UBE2D3: variants seen among roughly 807,000 people sequenced by gnomAD.
UBE2D3 encodes the protein ubiquitin conjugating enzyme E2 D3, also known as ubiquitin-conjugating enzyme E2 D3.
UBE2D3 carries 2 observed loss-of-function variants against 22.8 expected under a neutral mutation model. The observed-to-expected ratio is 0.09, with a 90% CI of 0.04 to 0.28. UBE2D3 has a LOEUF of 0.28. Ranked by LOEUF, UBE2D3 falls within the 10% of genes least tolerant of loss-of-function variation. The pLI, the probability that UBE2D3 is intolerant of heterozygous loss-of-function variation, is 1.00. For synonymous variants in UBE2D3, 56 were observed against 60.4 expected (o/e 0.93, Z 0.34); for missense variants, 27 against 182.5 (o/e 0.15, Z 4.91).
At chr4:102,804,066 GCC>G (rs1726629455) in intron 4 of UBE2D3, among the ~76,000 whole-genome samples, 2 of 151,948 alleles carry the variant, frequency 1.3e-5, no homozygotes. Context: ...ACTGTACCCA[GCC>G]AGAGCTTATT....
chr4:102,813,656 G>C (rs1323988889), intron 2 of UBE2D3, among the ~76,000 whole-genome samples: 1 of 152,134 alleles, frequency 6.6e-6, no homozygotes, highest in East Asian at 1.9e-4. Flanking sequence ...CATTCAACTT[G>C]GTGAGAGCAC....
At chr4:102,851,881 C>G (rs776865163) in intron 1 of UBE2D3, among the ~76,000 whole-genome samples, 3 of 151,926 alleles carry the variant, frequency 2.0e-5, no homozygotes, top group African/African-American at 7.3e-5. Flanking sequence ...ATTGGTCAGG[C>G]TGGTCTCGAA....
chr4:102,865,710 G>C (rs1023789862), intron 1 of UBE2D3, among the ~76,000 whole-genome samples: 2 of 152,120 alleles, frequency 1.3e-5, no homozygotes, highest in African/African-American at 4.8e-5. Context: ...ATCTGGGCTG[G>C]AAATAGAGAT....
chr4:102,823,028 T>G (rs1729877857), intron 2 of UBE2D3, among the ~76,000 whole-genome samples: 1 of 152,228 alleles, frequency 6.6e-6, no homozygotes, highest in African/African-American at 2.4e-5. Context: ...TTACTAGTTG[T>G]GTGACTAGAC....
At chr4:102,836,624 A>G (rs999521747) in intron 1 of UBE2D3, among the ~76,000 whole-genome samples, 4 of 152,142 alleles carry the variant, frequency 2.6e-5, no homozygotes, top group African/African-American at 9.7e-5. Flanking sequence ...AGTGTTTTTT[A>G]CCACTTTATG....
Position 102,797,003 on chromosome 4 carries a change from A to G in UBE2D3, c.*412T>C, listed in dbSNP as rs1370183850. Reference sequence around the variant, plus strand: ...TTAAACAAGAATGGATGCTGCTAGAATAATGCTGTATCCTTTGATGTGACA... The same window carrying G: ...TTAAACAAGAATGGATGCTGCTAGAGTAATGCTGTATCCTTTGATGTGACA... On this transcript the variant is annotated 3_prime_UTR_variant, in exon 8 of 8. Transcript: ENST00000453744. 2.5e-5 allele frequency: 4 copies of G among 159,794 alleles called. No individual in the cohort carries two copies. Among genetic ancestry groups the G allele is most frequent in the African/African-American group, 7.2e-5 (3 of 41,652 alleles). 9.9% of individuals were successfully genotyped at this position (159,794 alleles called of 1,614,324 possible). A position where few individuals can be genotyped will look rare whatever the true frequency, so the allele number is the denominator to read the frequency against.
At chr4:102,815,758 T>TA (rs1286529464) in intron 2 of UBE2D3, among the ~76,000 whole-genome samples, 2 of 152,184 alleles carry the variant, frequency 1.3e-5, no homozygotes, top group Non-Finnish European at 2.9e-5. Context: ...GACATCTCTT[T>TA]AGTAATAATC....
At chr4:102,828,078 A>G, upstream of UBE2D3, 1 of 985,432 alleles carries the variant, frequency 1.0e-6, no homozygotes, top group Non-Finnish European at 1.2e-6. Flanking sequence ...AGTTCTCGCG[A>G]GACGCAGTAA....
At chr4:102,831,536 G>A (rs919369444), upstream of UBE2D3, among the ~76,000 whole-genome samples, 3 of 152,122 alleles carry the variant, frequency 2.0e-5, no homozygotes, top group African/African-American at 4.8e-5. Flanking sequence ...GGATAAAGAA[G>A]ATGTGATATA....
intron 2 of UBE2D3, chr4:102,825,586 GTGGAGGT>G (rs1279894318): frequency 9.1e-6 from 11 of 1,211,008 alleles, no homozygotes; most frequent in Non-Finnish European, 1.2e-5. Flanking sequence ...ACCACCGGAG[GTGGAGGT>G]TCCGCTCACT....
rs76243077 is a variant in UBE2D3 at position 102,865,019 on chromosome 4, C to T, written c.-129+3696G>A. On this transcript the variant is annotated intron_variant, in intron 1 of 7. Coordinates refer to the UBE2D3 transcript ENST00000338145. The stretch of plus-strand genomic sequence containing the variant: ...CTTTCTCATGCACAAAAAGTAAGTA[C>T]TGGGTTGAGTAAAGCCCTAATATGA... Among the ~76,000 whole-genome samples the T allele has an allele frequency of 8.8e-3, 1,339 of 152,276 alleles. 13 individuals carry two copies. Among genetic ancestry groups the T allele is most frequent in the African/African-American group, 0.029 (1,224 of 41,550 alleles).
chr4:102,838,597 A>AT (rs2110353243), intron 1 of UBE2D3, among the ~76,000 whole-genome samples: 1 of 152,152 alleles, frequency 6.6e-6, no homozygotes, highest in South Asian at 2.1e-4. Context: ...AAAAAGAAAT[A>AT]TTTTTGTTAC....
At chr4:102,822,134 A>C (rs926468272) in intron 2 of UBE2D3, among the ~76,000 whole-genome samples, 6 of 152,254 alleles carry the variant, frequency 3.9e-5, no homozygotes, top group Non-Finnish European at 7.3e-5. Context: ...CCAGTGATGG[A>C]GCATTCAACT....
Position 102,802,647 on chromosome 4 carries a change from A to G in UBE2D3, c.121-9T>C. On this transcript the variant is annotated splice_polypyrimidine_tract_variant and intron_variant, in intron 4 of 7. Transcript: ENST00000453744. ...TGATATGGGCTGTCATTCTGTAAAA[A>G]GAAAAGTATGCTTAACTCAAATTTA... 1 of 1,583,832 alleles carries G rather than the reference A, an allele frequency of 6.3e-7. No individual in the cohort carries two copies. Among genetic ancestry groups the G allele is most frequent in the Non-Finnish European group, 8.6e-7 (1 of 1,165,340 alleles).
chr4:102,865,448 C>T (rs189277864), intron 1 of UBE2D3, among the ~76,000 whole-genome samples: 5 of 148,616 alleles, frequency 3.4e-5, no homozygotes, highest in South Asian at 2.1e-4. Flanking sequence ...GCTGAGATCG[C>T]GCCATTGCAC....
chr4:102,829,762 AC>A (rs1164169534), upstream of UBE2D3, among the ~76,000 whole-genome samples: 1 of 152,066 alleles, frequency 6.6e-6, no homozygotes, highest in African/African-American at 2.4e-5. Context: ...AAACAGTGAA[AC>A]CCCATCTCTA....
At chr4:102,817,747 T>C (rs565076001) in intron 2 of UBE2D3, among the ~76,000 whole-genome samples, 1 of 152,290 alleles carries the variant, frequency 6.6e-6, no homozygotes, top group African/African-American at 2.4e-5. Flanking sequence ...TATTCGTACG[T>C]AGTGTGAATC....
rs150579312 is a variant in UBE2D3, at chr4:102,804,305, G to A, written c.121-1667C>T. ...AGCTGCCTCAGTAGCTTGGATTACA[G>A]GTGTGCACCAACGTGCCCAGCTAAT... On this transcript the variant is annotated intron_variant, in intron 4 of 7. Coordinates refer to ENST00000453744, the MANE Select transcript of UBE2D3 (RefSeq NM_181891.3). Among the ~76,000 whole-genome samples the A allele has an allele frequency of 1.4e-4, 22 of 152,158 alleles. No homozygotes were observed. The East Asian group carries it at 4.3e-3, about 29-fold the overall frequency.
At chr4:102,827,996 C>T, upstream of UBE2D3, 1 of 985,458 alleles carries the variant, frequency 1.0e-6, no homozygotes, top group Non-Finnish European at 1.2e-6. Context: ...CTAACCGAAG[C>T]GGTAGCTCTG....
Sources: allele counts gnomAD v4.1 joint callset (sites outside exome capture counted in the v4.1 genomes callset), GRCh38; gene constraint gnomAD v4.1.1; transcripts MANE v1.5; gene names NCBI Gene and HGNC (gene_info 2026-07-23, HGNC 2026-07-21).